Variants in C8orf34 observed in about 807,000 individuals in gnomAD.
The protein encoded by C8orf34 is chromosome 8 open reading frame 34.
Under a neutral mutation model 68.3 loss-of-function variants are expected in C8orf34, and 65 were observed. That is an observed-to-expected ratio of 0.95 (90% confidence interval 0.78 to 1.17). The LOEUF (loss-of-function observed/expected upper bound fraction) is 1.17. Among genes scored for constraint, C8orf34 ranks in the 50% most tolerant of loss-of-function variants. The probability of loss-of-function intolerance (pLI) is 0.00; values close to 1 mark genes in which losing one functional copy is unlikely to be tolerated. For missense variants in C8orf34, 664 were observed against 655.4 expected (o/e 1.01, Z -0.14); for synonymous variants, 244 against 241.2 (o/e 1.01, Z -0.11).
intron 10 of C8orf34, among the ~76,000 whole-genome samples, chr8:68,746,249 A>G (rs1822488689): frequency 6.6e-6 from 1 of 151,090 alleles, no homozygotes; most frequent in Non-Finnish European, 1.5e-5. Context: ...TGTAGAGGGA[A>G]ATTTATAGCA....
At chr8:68,458,077 T>C (rs1811628168) in intron 3 of C8orf34, among the ~76,000 whole-genome samples, 1 of 152,142 alleles carries the variant, frequency 6.6e-6, no homozygotes, top group Admixed American at 6.6e-5. Context: ...ATGGCTTTGA[T>C]TGTCCTCGTT....
chr8:68,716,876 T>TTTTC (rs1272598638), intron 9 of C8orf34, among the ~76,000 whole-genome samples: 18 of 151,892 alleles, frequency 1.2e-4, no homozygotes, highest in Non-Finnish European at 2.4e-4. Context: ...AATTTTTTTA[T>TTTTC]GCAGTAGAAA....
intron 8 of C8orf34, among the ~76,000 whole-genome samples, chr8:68,693,242 G>A (rs771094960): frequency 6.6e-6 from 1 of 152,042 alleles, no homozygotes; most frequent in Non-Finnish European, 1.5e-5. Flanking sequence ...AGTACTGTTG[G>A]TAATGACTTG....
chr8:68,503,536 A>G (rs1278255179), intron 5 of C8orf34, among the ~76,000 whole-genome samples: 1 of 152,168 alleles, frequency 6.6e-6, no homozygotes, highest in Non-Finnish European at 1.5e-5. Flanking sequence ...AAAAAGTTTT[A>G]GATCATAGGT....
chr8:68,694,534 C>A (rs1394931283), intron 8 of C8orf34, among the ~76,000 whole-genome samples: 1 of 152,044 alleles, frequency 6.6e-6, no homozygotes, highest in African/African-American at 2.4e-5. Context: ...ACCTTTCTAA[C>A]AATTTAACAG....
chr8:68,779,559 T>G (rs1429799991), intron 11 of C8orf34, among the ~76,000 whole-genome samples: 1 of 152,138 alleles, frequency 6.6e-6, no homozygotes, highest in African/African-American at 2.4e-5. Flanking sequence ...CTTTGCCAGA[T>G]GTGCCATCTG....
At chr8:68,723,273 G>A (rs549171462) in intron 10 of C8orf34, among the ~76,000 whole-genome samples, 1 of 152,178 alleles carries the variant, frequency 6.6e-6, no homozygotes, top group East Asian at 1.9e-4. Flanking sequence ...TCAGATATTA[G>A]AAGCTACGAG....
chr8:68,630,547 T>G (rs926022466), intron 7 of C8orf34, among the ~76,000 whole-genome samples: 1 of 152,218 alleles, frequency 6.6e-6, no homozygotes, highest in South Asian at 2.1e-4. Context: ...ATATATAATT[T>G]TATAGTCTTA....
intron 10 of C8orf34, among the ~76,000 whole-genome samples, chr8:68,759,151 T>C (rs902466929): frequency 6.6e-6 from 1 of 152,110 alleles, no homozygotes; most frequent in Admixed American, 6.6e-5. Flanking sequence ...TCTAACCAAA[T>C]CTTTGCACAT....
At chr8:68,634,151 G>A (rs892802990) in intron 7 of C8orf34, among the ~76,000 whole-genome samples, 1 of 152,178 alleles carries the variant, frequency 6.6e-6, no homozygotes, top group African/African-American at 2.4e-5. Context: ...GATCTGTACA[G>A]AATTCTCTCT....
rs544307768 is a variant in C8orf34 at position 68,567,415 on chromosome 8, G to A, written c.1105+34266G>A. ...TTTTCTAGCTTATGTGTGCAAAGGA[G>A]TTCATGGTAGCCTCGAATGATGTTT... is the stretch of plus-strand genomic sequence containing the variant. On this transcript the variant is annotated intron_variant, in intron 7 of 13. Coordinates refer to ENST00000518698, the MANE Select transcript of C8orf34 (RefSeq NM_052958.4). 5.3e-5 allele frequency among the ~76,000 whole-genome samples: 8 copies of A among 152,084 alleles called. No individual in the cohort carries two copies. In the South Asian group the frequency reaches 1.7e-3, roughly 32 times the overall value.
intron 12 of C8orf34, among the ~76,000 whole-genome samples, chr8:68,807,727 G>A (rs976096379): frequency 6.6e-6 from 1 of 152,150 alleles, no homozygotes; most frequent in Non-Finnish European, 1.5e-5. Flanking sequence ...AAGATAATTT[G>A]AGGCCTAGGA....
At chr8:68,816,445 A>C (rs1478191141) in intron 13 of C8orf34, among the ~76,000 whole-genome samples, 1 of 152,168 alleles carries the variant, frequency 6.6e-6, no homozygotes, top group Non-Finnish European at 1.5e-5. Flanking sequence ...TCATCTCTTA[A>C]GTATGTTCCA....
At chr8:68,333,037 A>C (rs1195904149) in intron 1 of C8orf34, among the ~76,000 whole-genome samples, 1 of 152,176 alleles carries the variant, frequency 6.6e-6, no homozygotes, top group African/African-American at 2.4e-5. Flanking sequence ...ACTCTCCTGG[A>C]GTATAAAGTA....
chr8:68,584,601 T>G (rs143974305), intron 7 of C8orf34, among the ~76,000 whole-genome samples: 1 of 152,244 alleles, frequency 6.6e-6, no homozygotes, highest in East Asian at 1.9e-4. Flanking sequence ...GAATCATTAG[T>G]CATAATCATA....
At chr8:68,773,771 C>G (rs7016534) in intron 10 of C8orf34, among the ~76,000 whole-genome samples, 85,214 of 152,018 alleles carry the variant, frequency 0.56, 25,817 homozygotes, top group African/African-American at 0.8. Context: ...ACCAAACTCC[C>G]GTTGTATGGC....
chr8:68,362,143 T>G (rs1807028546), intron 1 of C8orf34, among the ~76,000 whole-genome samples: 1 of 152,202 alleles, frequency 6.6e-6, no homozygotes, highest in African/African-American at 2.4e-5. Flanking sequence ...ATAAGAAAGA[T>G]GTAGTTAAAA....
intron 10 of C8orf34, among the ~76,000 whole-genome samples, chr8:68,747,062 A>G (rs1314974084): frequency 6.6e-6 from 1 of 151,188 alleles, no homozygotes; most frequent in African/African-American, 2.4e-5. Context: ...CATCCCTGGG[A>G]TGCAAGGCTG....
At chr8:68,601,971 G>T (rs1357197659) in intron 7 of C8orf34, among the ~76,000 whole-genome samples, 2 of 152,100 alleles carry the variant, frequency 1.3e-5, no homozygotes, top group African/African-American at 4.8e-5. Context: ...CTCTCACACG[G>T]CCTCACGGAT....
Sources: gnomAD v4.1 joint callset for allele counts (sites outside exome capture counted in the v4.1 genomes callset) on GRCh38, gnomAD v4.1.1 for gene constraint, MANE v1.5 for transcripts, NCBI Gene and HGNC (gene_info 2026-07-23, HGNC 2026-07-21) for gene names.